NDST4: variants seen among roughly 807,000 people sequenced by gnomAD.
NDST4 encodes the protein N-deacetylase and N-sulfotransferase 4.
NDST4 carries 63 observed loss-of-function variants against 100.8 expected under a neutral mutation model. The observed-to-expected ratio is 0.62, with a 90% CI of 0.51 to 0.77. The LOEUF is 0.77. Among genes scored for constraint, NDST4 ranks in the 30% least tolerant of loss-of-function variants. NDST4 has a pLI of 0.00. For missense variants in NDST4, 943 were observed against 1,018.4 expected (o/e 0.93, Z 1.01); for synonymous variants, 377 against 361.8 (o/e 1.04, Z -0.48).
rs1264142269 is a variant in NDST4 at position 114,833,716 on chromosome 4, C to T, written c.2287-1G>A. On this transcript the variant is annotated splice_acceptor_variant, in intron 11 of 13. Transcript: ENST00000264363. LOFTEE classifies it high-confidence loss of function. ...GCTGCTGTCCATCAATAATTAGCAA[C>T]TGTAAAGTCAGAAATAGTCACTTTA... 1.3e-6 allele frequency: 2 copies of T among 1,597,882 alleles called. No individual in the cohort carries two copies. Among genetic ancestry groups the T allele is most frequent in the Non-Finnish European group, 1.7e-6 (2 of 1,169,458 alleles).
Position 115,085,957 on chromosome 4 carries a change from G to A in NDST4, c.-246-8675C>T, listed in dbSNP as rs187480093. ...TATGAAACTTTATGTTATGGTGTCCGTATATGCATGTGTGTGTATTTGGAT... is the reference window on the plus strand; with the variant it reads ...TATGAAACTTTATGTTATGGTGTCCATATATGCATGTGTGTGTATTTGGAT... On this transcript the variant is annotated intron_variant, in intron 1 of 13. Transcript: ENST00000264363. Among the ~76,000 whole-genome samples the A allele has an allele frequency of 2.8e-4, 43 of 152,232 alleles. No individual in the cohort carries two copies. In the South Asian group the frequency reaches 3.7e-3, roughly 13 times the overall value.
intron 2 of NDST4, among the ~76,000 whole-genome samples, chr4:115,029,308 A>G (rs1728056862): frequency 6.6e-6 from 1 of 152,118 alleles, no homozygotes; most frequent in South Asian, 2.1e-4. Context: ...TAGAGCAGCC[A>G]GAGCTGTTCA....
intron 3 of NDST4, 126 bp from the exon 4 acceptor site, chr4:114,970,710 A>G: frequency 1.2e-6 from 1 of 820,414 alleles, no homozygotes; most frequent in Admixed American, 3.0e-5. Context: ...GGGCTTTTTA[A>G]ATCAGAATAA....
chr4:115,074,057 T>C (rs1484256520), intron 2 of NDST4, among the ~76,000 whole-genome samples: 1 of 151,918 alleles, frequency 6.6e-6, no homozygotes, highest in African/African-American at 2.4e-5. Context: ...TATTATATAT[T>C]ACTCAATATA....
intron 2 of NDST4, among the ~76,000 whole-genome samples, chr4:114,990,191 T>C (rs1727007216): frequency 1.3e-5 from 2 of 152,120 alleles, no homozygotes; most frequent in Admixed American, 6.6e-5. Flanking sequence ...AGGTTCATTG[T>C]GGAGGAAATA....
chr4:115,064,556 A>G (rs1728892685), intron 2 of NDST4, among the ~76,000 whole-genome samples: 1 of 152,004 alleles, frequency 6.6e-6, no homozygotes, highest in South Asian at 2.1e-4. Flanking sequence ...CCAGATAAAT[A>G]TTGTAATTTC....
intron 6 of NDST4, among the ~76,000 whole-genome samples, chr4:114,931,718 T>A (rs982473960): frequency 1.3e-5 from 2 of 151,728 alleles, no homozygotes; most frequent in African/African-American, 2.4e-5. Flanking sequence ...CTATGAACAA[T>A]GATAAACCTA....
intron 4 of NDST4, among the ~76,000 whole-genome samples, chr4:114,952,072 T>G (rs1293055451): frequency 6.6e-6 from 1 of 152,130 alleles, no homozygotes; most frequent in Non-Finnish European, 1.5e-5. Flanking sequence ...GGAGTTCTTA[T>G]AGTTAATCTC....
intron 5 of NDST4, among the ~76,000 whole-genome samples, chr4:114,936,370 A>G (rs1466510026): frequency 1.3e-5 from 2 of 152,210 alleles, no homozygotes; most frequent in East Asian, 3.8e-4. Flanking sequence ...AATATTGTGT[A>G]TCAGCTCTGG....
At chr4:115,100,298 C>T (rs910731409) in intron 1 of NDST4, among the ~76,000 whole-genome samples, 31 of 151,990 alleles carry the variant, frequency 2.0e-4, no homozygotes, top group African/African-American at 7.5e-4. Context: ...GGATATAAAA[C>T]ACCAAGTGTG....
chr4:115,075,705 A>T (rs756924149), intron 2 of NDST4, among the ~76,000 whole-genome samples: 32 of 141,748 alleles, frequency 2.3e-4, no homozygotes, highest in Non-Finnish European at 4.5e-4. Flanking sequence ...AATTGCTTAA[A>T]CCCAGGAGGT....
At chr4:114,835,927 T>C (rs890970133) in intron 11 of NDST4, among the ~76,000 whole-genome samples, 9 of 152,232 alleles carry the variant, frequency 5.9e-5, no homozygotes, top group Non-Finnish European at 1.2e-4. Context: ...GAGACTAGGA[T>C]TGCAACCTCT....
intron 10 of NDST4, among the ~76,000 whole-genome samples, chr4:114,843,809 C>T (rs114619949): frequency 0.011 from 1,640 of 152,252 alleles, 36 homozygotes; most frequent in African/African-American, 0.037. Context: ...CATCTCTAAA[C>T]TCTTTCCTTA....
At chr4:115,062,354 T>G (rs1388924783) in intron 2 of NDST4, among the ~76,000 whole-genome samples, 1 of 152,016 alleles carries the variant, frequency 6.6e-6, no homozygotes. Flanking sequence ...TTAACACATT[T>G]CAAAATTAAA....
intron 2 of NDST4, among the ~76,000 whole-genome samples, chr4:114,991,240 G>T (rs929116021): frequency 6.6e-6 from 1 of 151,998 alleles, no homozygotes; most frequent in African/African-American, 2.4e-5. Context: ...CAACATGATA[G>T]CTAATGTGCC....
intron 6 of NDST4, among the ~76,000 whole-genome samples, chr4:114,898,587 TG>T (rs1265931290): frequency 1.3e-5 from 2 of 152,190 alleles, no homozygotes; most frequent in African/African-American, 4.8e-5. Flanking sequence ...AAACCACTTT[TG>T]GGGATTTTAA....
At chr4:114,916,766 A>G (rs558936499) in intron 6 of NDST4, among the ~76,000 whole-genome samples, 5 of 145,476 alleles carry the variant, frequency 3.4e-5, no homozygotes, top group South Asian at 2.2e-4. Context: ...GGCTTAAGCA[A>G]CTCTCCCACC....
At chr4:115,018,064 CT>C (rs974498731) in intron 2 of NDST4, among the ~76,000 whole-genome samples, 7 of 151,672 alleles carry the variant, frequency 4.6e-5, no homozygotes, top group African/African-American at 1.5e-4. Context: ...TAAAATCTAG[CT>C]TTTTTTTGTA....
chr4:115,001,762 A>C (rs1727294710), intron 2 of NDST4, among the ~76,000 whole-genome samples: 1 of 152,198 alleles, frequency 6.6e-6, no homozygotes, highest in South Asian at 2.1e-4. Context: ...AATTGTGTAA[A>C]TGATGCCTTG....
Sources: gnomAD v4.1 joint callset for allele counts (sites outside exome capture counted in the v4.1 genomes callset) on GRCh38, gnomAD v4.1.1 for gene constraint, MANE v1.5 for transcripts, NCBI Gene and HGNC (gene_info 2026-07-23, HGNC 2026-07-21) for gene names.